KDM4B: variants seen among roughly 807,000 people sequenced by gnomAD.
KDM4B encodes lysine-specific demethylase 4B.
In KDM4B, 32 loss-of-function variants were observed where a neutral mutation model predicts 125.2. The observed-to-expected ratio is 0.26, with a 90% CI of 0.19 to 0.34. The LOEUF is 0.34. Ranked by LOEUF, KDM4B falls within the 10% of genes least tolerant of loss-of-function variation. The probability of loss-of-function intolerance (pLI) is 1.00; values close to 1 mark genes in which losing one functional copy is unlikely to be tolerated. For synonymous variants in KDM4B, 721 were observed against 677.9 expected, an observed-to-expected ratio of 1.06 and a Z score of -0.99; for missense variants, 1,190 against 1,577.7, an observed-to-expected ratio of 0.75 and a Z score of 4.16.
Position 5,042,683 on chromosome 19 carries a change from G to C in KDM4B, c.432+1432G>C, listed in dbSNP as rs375744249. Among the ~76,000 whole-genome samples, 71 of 151,278 alleles carry C rather than the reference G, an allele frequency of 4.7e-4. No individual in the cohort carries two copies. In the East Asian group the frequency reaches 7.3e-3, roughly 16 times the overall value. On this transcript the variant is annotated intron_variant, in intron 5 of 22. Transcript: ENST00000159111. ...ATCTTACACAGCAGGAGAGAGTGAG[G>C]GGGGGGGCGCCGTAGGCTTTTCAAC...
intron 6 of KDM4B, 90 bp from the exon 7 acceptor site, chr19:5,070,920 C>T (rs758321483): frequency 7.3e-7 from 1 of 1,374,706 alleles, no homozygotes; most frequent in Admixed American, 1.8e-5. Context: ...TGGGCACTGT[C>T]TGCGTCTCCC....
chr19:5,102,549 G>A (rs939594227), intron 9 of KDM4B, among the ~76,000 whole-genome samples: 11 of 152,172 alleles, frequency 7.2e-5, no homozygotes, highest in African/African-American at 2.2e-4. Context: ...CCACAGGCCA[G>A]GGGAGCAGGG....
At chr19:5,008,932 T>TTA (rs1568223943) in intron 1 of KDM4B, among the ~76,000 whole-genome samples, 1 of 125,912 alleles carries the variant, frequency 7.9e-6, no homozygotes, top group African/African-American at 2.8e-5. Context: ...TTTTTTTTTT[T>TTA]AAAGACAGAG....
intron 9 of KDM4B, among the ~76,000 whole-genome samples, chr19:5,090,403 T>G (rs1393941293): frequency 1.1e-4 from 3 of 26,262 alleles, no homozygotes; most frequent in African/African-American, 7.2e-4. Context: ...CCTCTCTCTC[T>G]CTCTCCCCCT....
At chr19:4,985,629 G>A (rs537513655) in intron 1 of KDM4B, among the ~76,000 whole-genome samples, 1 of 152,250 alleles carries the variant, frequency 6.6e-6, no homozygotes, top group South Asian at 2.1e-4. Context: ...CTGGCCCCGC[G>A]TGCTGTGCCG....
intron 1 of KDM4B, among the ~76,000 whole-genome samples, chr19:4,970,133 G>T (rs2034203043): frequency 6.6e-6 from 1 of 152,178 alleles, no homozygotes; most frequent in Admixed American, 6.5e-5. Flanking sequence ...GCGCTCAGTG[G>T]TGGCCATGAC....
At chr19:5,068,201 G>T (rs1319088953) in intron 6 of KDM4B, among the ~76,000 whole-genome samples, 1 of 152,068 alleles carries the variant, frequency 6.6e-6, no homozygotes, top group Non-Finnish European at 1.5e-5. Flanking sequence ...GCTCTTTGGG[G>T]GCCTGGGCGG....
At chr19:5,008,311 C>T (rs73540678) in intron 1 of KDM4B, among the ~76,000 whole-genome samples, 4,013 of 152,226 alleles carry the variant, frequency 0.026, 159 homozygotes, top group African/African-American at 0.077. Flanking sequence ...TATTGAAAAT[C>T]ACCTGACTTT....
chr19:4,974,356 C>T (rs1044856211), intron 1 of KDM4B, among the ~76,000 whole-genome samples: 8 of 151,640 alleles, frequency 5.3e-5, no homozygotes, highest in African/African-American at 1.9e-4. Context: ...GAGTTGAGAT[C>T]GCGCCACTGT....
At chr19:5,079,489 C>T (rs1240156010) in intron 8 of KDM4B, among the ~76,000 whole-genome samples, 1 of 152,186 alleles carries the variant, frequency 6.6e-6, no homozygotes, top group Non-Finnish European at 1.5e-5. Context: ...GAGGTCCTTA[C>T]ACTGTGAGAG....
At position 5,035,447 on chromosome 19, in the gene KDM4B, C is replaced by T. The variant is rs2036587414; in HGVS notation, c.141+2416C>T. Among the ~76,000 whole-genome samples the T allele has an allele frequency of 6.6e-6, 1 of 152,182 alleles. No homozygotes were observed. The highest frequency in any genetic ancestry group is 6.5e-5 in the Admixed American group (1 of 15,290). On this transcript the variant is annotated intron_variant, in intron 3 of 22. Coordinates refer to ENST00000159111, the MANE Select transcript of KDM4B (RefSeq NM_015015.3). The surrounding 1 kb of genome is among the most constrained non-coding windows in gnomAD (Gnocchi z 5.3). ...TCCTCATCCCTCACCTCCCACCGGG[C>T]TCCATGCCCCGGTGTTTCCGGCTCT...
intron 5 of KDM4B, among the ~76,000 whole-genome samples, chr19:5,044,751 C>T (rs2036970291): frequency 6.6e-6 from 1 of 152,024 alleles, no homozygotes; most frequent in Non-Finnish European, 1.5e-5. Context: ...GTCATTCCTC[C>T]CTCTCCCCCA....
intron 1 of KDM4B, among the ~76,000 whole-genome samples, chr19:4,992,431 G>A (rs1017170421): frequency 2.0e-4 from 31 of 151,972 alleles, no homozygotes. Flanking sequence ...TCTAAGTACT[G>A]CTTTAGCTGC....
chr19:5,040,139 C>G, intron 4 of KDM4B, 128 bp downstream of exon 4: 1 of 1,073,908 alleles, frequency 9.3e-7, no homozygotes, highest in South Asian at 1.7e-5. Context: ...TCTGTGTGCC[C>G]CGTGTGGGCT....
At chr19:5,067,676 GC>G (rs1180964997) in intron 6 of KDM4B, among the ~76,000 whole-genome samples, 1 of 152,188 alleles carries the variant, frequency 6.6e-6, no homozygotes, top group Non-Finnish European at 1.5e-5. Flanking sequence ...TGTGGGCAGG[GC>G]CCGTGCAGGT....
At chr19:5,103,242 A>G (rs928579519) in intron 9 of KDM4B, among the ~76,000 whole-genome samples, 12 of 152,148 alleles carry the variant, frequency 7.9e-5, no homozygotes, top group East Asian at 3.9e-4. Context: ...ACACGAGCCA[A>G]TTTCGCTTGG....
chr19:5,132,897 G>A (rs921549953), intron 13 of KDM4B, among the ~76,000 whole-genome samples: 7 of 152,316 alleles, frequency 4.6e-5, no homozygotes, highest in African/African-American at 7.2e-5. Context: ...CTCCGCTGGC[G>A]GTACTGTCTG....
chr19:5,135,262 C>A, intron 14 of KDM4B, 77 bp from the exon 15 acceptor site: 6 of 985,104 alleles, frequency 6.1e-6, no homozygotes, highest in Non-Finnish European at 9.3e-6. Flanking sequence ...GGGCAGGTGC[C>A]CTGAGAGAGG....
intron 1 of KDM4B, among the ~76,000 whole-genome samples, chr19:4,970,249 C>T (rs1425785946): frequency 1.3e-5 from 2 of 152,228 alleles, no homozygotes; most frequent in African/African-American, 4.8e-5. Flanking sequence ...CTTTTGGGTG[C>T]ATCCCATCTG....
Sources: gnomAD v4.1 joint callset for allele counts (sites outside exome capture counted in the v4.1 genomes callset) on GRCh38, gnomAD v4.1.1 for gene constraint, Gnocchi (gnomAD v3.1) non-coding constraint, MANE v1.5 for transcripts, NCBI Gene and HGNC (gene_info 2026-07-23, HGNC 2026-07-21) for gene names.